Variants in MMRN2 observed in about 807,000 individuals in gnomAD.
MMRN2 encodes multimerin 2, also known as multimerin-2.
A neutral mutation model predicts 68.8 loss-of-function variants in MMRN2; 53 were observed. That is an observed-to-expected ratio of 0.77 (90% CI 0.62 to 0.97). The LOEUF is 0.97. Among genes scored for constraint, MMRN2 ranks in the 50% least tolerant of loss-of-function variants. The pLI is 0.00. For synonymous variants in MMRN2, 564 were observed against 551.6 expected (o/e 1.02, Z -0.32); for missense variants, 1,266 against 1,259.5 (o/e 1.01, Z -0.08).
chr10:86,939,833 G>GTGTT (rs1554893310), intron 6 of MMRN2, among the ~76,000 whole-genome samples: 16 of 126,452 alleles, frequency 1.3e-4, no homozygotes, highest in African/African-American at 3.5e-4. Flanking sequence ...GTGTGTGTGT[G>GTGTT]TGTGTTTGTG....
chr10:86,946,019 T>C (rs1844063906), intron 1 of MMRN2, among the ~76,000 whole-genome samples: 1 of 152,012 alleles, frequency 6.6e-6, no homozygotes, highest in Admixed American at 6.5e-5. Context: ...ACAGCCAGAG[T>C]GTGGGGAAAA....
intron 1 of MMRN2, among the ~76,000 whole-genome samples, chr10:86,956,696 A>G (rs1253061575): frequency 6.6e-6 from 1 of 152,194 alleles, no homozygotes; most frequent in African/African-American, 2.4e-5. Flanking sequence ...TACACGTGGC[A>G]AGGTGCCTGG....
intron 4 of MMRN2, 122 bp downstream of exon 4, chr10:86,945,066 C>A (rs934344141): frequency 1.3e-5 from 11 of 829,298 alleles, no homozygotes; most frequent in African/African-American, 6.7e-5. Context: ...ACAGAGCAGG[C>A]CTTGCTGATT....
At chr10:86,953,726 T>C (rs1844175640) in intron 1 of MMRN2, among the ~76,000 whole-genome samples, 1 of 152,374 alleles carries the variant, frequency 6.6e-6, no homozygotes, top group Non-Finnish European at 1.5e-5. Context: ...ATGCCAGGGC[T>C]GAGAAACTCT....
At chr10:86,952,868 C>T (rs1844163747) in intron 1 of MMRN2, among the ~76,000 whole-genome samples, 1 of 152,142 alleles carries the variant, frequency 6.6e-6, no homozygotes, top group African/African-American at 2.4e-5. Context: ...CAGGGCATAT[C>T]TCAGTCCTTA....
At position 86,938,856 on chromosome 10, in the gene MMRN2, A is replaced by G. The variant is rs572821348; in HGVS notation, c.2468-1731T>C. Among the ~76,000 whole-genome samples, 7 of 152,320 alleles carry G rather than the reference A, an allele frequency of 4.6e-5. No individual in the cohort carries two copies. In the East Asian group the frequency reaches 1.4e-3, roughly 29 times the overall value. ...TTAGACAGCTGAGAATAGCTTTCTC[A>G]TTTGTGTTCAGATTGTGTCAAATCA... is the stretch of plus-strand genomic sequence containing the variant. On this transcript the variant is annotated intron_variant, in intron 6 of 6. Coordinates refer to ENST00000372027, the MANE Select transcript of MMRN2 (RefSeq NM_024756.3).
In MMRN2 at chr10:86,945,668, C is replaced by T. The variant is rs141761713; in HGVS notation, c.186G>A (p.Met62Ile). Residue 62 changes from methionine (M) to isoleucine (I), a missense_variant, in exon 2 of 7, where the codon ATG (methionine) becomes ATA (isoleucine). Transcript: ENST00000372027. ...GAGCTAGTAAGGTGACCAGCTTGGA[C>T]ATTGGGTAGGGGCACCAGTTACTGG... The part of the protein sequence containing the change: ...PVGRNWCPYP[M>I]SKLVTLLALC... 54 of 1,614,054 alleles carry T rather than the reference C, an allele frequency of 3.3e-5. No homozygotes were observed. The African/African-American group carries it at 5.9e-4, about 18-fold the overall frequency.
chr10:86,949,241 T>G (rs1176839732), intron 1 of MMRN2: 1 of 152,134 alleles, frequency 6.6e-6, no homozygotes, highest in Non-Finnish European at 1.5e-5. Flanking sequence ...AGAAAAATAA[T>G]TTACAACCCA....
chr10:86,943,196 C>G lies in MMRN2; in HGVS notation c.1588G>C (p.Gly530Arg), dbSNP rs772616939. ...VSLDERRQLD[G>R]SSLQALQNAV... Reference sequence around the variant, plus strand: ...TTCTGCAGGGCCTGCAGGGAGGAGCCGTCCAGCTGCCGCCGCTCGTCCAGG... The same window carrying G: ...TTCTGCAGGGCCTGCAGGGAGGAGCGGTCCAGCTGCCGCCGCTCGTCCAGG... The change falls in exon 6 of 7, where the codon GGC (glycine) becomes CGC (arginine). Residue 530 changes from glycine (G) to arginine (R), a missense_variant. By Grantham distance (125) the Gly-to-Arg change is moderately radical. Coordinates refer to ENST00000372027, the MANE Select transcript of MMRN2 (RefSeq NM_024756.3). The surrounding 1 kb of genome is among the most constrained non-coding windows in gnomAD (Gnocchi z 4.2). 4 of 1,609,074 alleles carry G rather than the reference C, an allele frequency of 2.5e-6. No homozygotes were observed. The South Asian group carries it at 4.4e-5, about 18-fold the overall frequency.
intron 1 of MMRN2, among the ~76,000 whole-genome samples, chr10:86,952,999 T>A (rs1844165269): frequency 6.6e-6 from 1 of 152,152 alleles, no homozygotes; most frequent in Non-Finnish European, 1.5e-5. Context: ...TTTAGCGATA[T>A]CTCTCCTACT....
At position 86,942,883 on chromosome 10, in the gene MMRN2, T is replaced by C; in HGVS notation, c.1901A>G (p.Tyr634Cys). The change falls in exon 6 of 7, where the codon TAC becomes TGC. Residue 634 changes from tyrosine to cysteine, a missense_variant. Transcript: ENST00000372027. ...CTGCAGGGCCACGCGGATCTGCTCG[T>C]AGCTCAGGGGCAGCGGTCCCGGCGT... ...EQTPGPLPLS[Y>C]EQIRVALQDA... The C allele has an allele frequency of 6.9e-7, 1 of 1,444,398 alleles. No homozygotes were observed. The highest frequency in any genetic ancestry group is 9.1e-7 in the Non-Finnish European group (1 of 1,097,568). The allele number at this position is 1,444,398 out of a possible 1,614,324, so 89.5% of individuals were successfully genotyped here. A position where few individuals can be genotyped will look rare whatever the true frequency, so the allele number is the denominator to read the frequency against.
intron 1 of MMRN2, chr10:86,949,937 CT>C (rs1844124896): frequency 6.6e-6 from 1 of 151,022 alleles, no homozygotes; most frequent in Non-Finnish European, 1.5e-5. Flanking sequence ...GGTGCAGTGG[CT>C]CATGACGATC....
chr10:86,956,691 G>A (rs150789019), intron 1 of MMRN2, among the ~76,000 whole-genome samples: 37 of 152,320 alleles, frequency 2.4e-4, no homozygotes, highest in Middle Eastern at 3.4e-3. Flanking sequence ...TGAGATACAC[G>A]TGGCAAGGTG....
chr10:86,949,126 C>T (rs1317040100), intron 1 of MMRN2: 1 of 152,060 alleles, frequency 6.6e-6, no homozygotes, highest in African/African-American at 2.4e-5. Context: ...AGAGGAAAAC[C>T]AAGACAAACA....
At chr10:86,951,257 T>C (rs1844139963) in intron 1 of MMRN2, among the ~76,000 whole-genome samples, 3 of 152,254 alleles carry the variant, frequency 2.0e-5, no homozygotes, top group Admixed American at 2.0e-4. Context: ...ATAGAACCAG[T>C]TGACTCCTAA....
intron 1 of MMRN2, among the ~76,000 whole-genome samples, chr10:86,957,174 G>A (rs775713975): frequency 1.1e-4 from 16 of 152,170 alleles, no homozygotes; most frequent in East Asian, 1.9e-4. Flanking sequence ...CCATGGCTCC[G>A]ACAGGGAACT....
intron 1 of MMRN2, among the ~76,000 whole-genome samples, chr10:86,955,705 C>G (rs990434435): frequency 1.3e-5 from 2 of 152,230 alleles, no homozygotes; most frequent in African/African-American, 4.8e-5. Flanking sequence ...GCCCAGGAAG[C>G]CGCGCGTTTC....
chr10:86,942,604 T>C lies in MMRN2; in HGVS notation c.2180A>G (p.Asn727Ser), dbSNP rs759863242. The C allele has an allele frequency of 2.5e-6, 4 of 1,607,754 alleles. No individual in the cohort carries two copies. The highest frequency in any genetic ancestry group is 1.1e-5 in the South Asian group (1 of 91,030). Reference protein sequence around the residue: ...AEAGAGAASLNASLHGLHNAL... With the variant: ...AEAGAGAASLSASLHGLHNAL... ...GTTGTGGAGGCCGTGAAGGGAGGCG[T>C]TGAGGGAGGCGGCCCCGGCCCCGGC... is the stretch of plus-strand genomic sequence containing the variant. The change falls in exon 6 of 7, where the codon AAC becomes AGC. Residue 727 changes from asparagine (N) to serine (S), a missense_variant. Transcript: ENST00000372027.
In MMRN2 at chr10:86,957,442, T is replaced by A. The variant is rs1322478171; in HGVS notation, c.100A>T (p.Ser34Cys). The A allele has an allele frequency of 3.1e-6, 5 of 1,613,846 alleles. No homozygotes were observed. Among genetic ancestry groups the A allele is most frequent in the Non-Finnish European group, 4.2e-6 (5 of 1,180,014 alleles). The change falls in exon 1 of 7, where the codon AGC becomes TGC. Residue 34 changes from serine to cysteine, a missense_variant. Coordinates refer to ENST00000372027, the MANE Select transcript of MMRN2 (RefSeq NM_024756.3). Reference sequence around the variant, plus strand: ...TTCCAGACCCCAGGTGTCCTGGAGCTCTGCAGATCAGAGAGGCTAGTACTG... The same window carrying A: ...TTCCAGACCCCAGGTGTCCTGGAGCACTGCAGATCAGAGAGGCTAGTACTG... ...ASSTSLSDLQ[S>C]SRTPGVWKAE...
Sources: allele counts gnomAD v4.1 joint callset (sites outside exome capture counted in the v4.1 genomes callset), GRCh38; gene constraint gnomAD v4.1.1; non-coding constraint Gnocchi (gnomAD v3.1); transcripts MANE v1.5; gene names NCBI Gene and HGNC (gene_info 2026-07-23, HGNC 2026-07-21).